The following RAPGEF6 variants were observed in gnomAD, a reference collection of about 807,000 sequenced individuals.
RAPGEF6 encodes PDZ domain containing guanine nucleotide exchange factor (GEF) 2.
A neutral mutation model predicts 171.4 loss-of-function variants in RAPGEF6; 56 were observed. The observed-to-expected ratio is 0.33, with a 90% CI of 0.26 to 0.41. The LOEUF (loss-of-function observed/expected upper bound fraction) is 0.41. Among genes scored for constraint, RAPGEF6 ranks in the 10% least tolerant of loss-of-function variants. The pLI is 1.00. For missense variants in RAPGEF6, 1,674 were observed against 1,921.4 expected (o/e 0.87, Z 2.41); for synonymous variants, 692 against 650.1 (o/e 1.06, Z -0.98).
chr5:131,551,092 A>T (rs939498545), intron 5 of RAPGEF6, among the ~76,000 whole-genome samples: 2 of 152,216 alleles, frequency 1.3e-5, no homozygotes, highest in Admixed American at 6.5e-5. Context: ...GGAATTATGT[A>T]TAAAGTCCTC....
rs887687427 is a variant in RAPGEF6, at chr5:131,425,221, G to C, written c.*2045C>G. 6.6e-6 allele frequency: 1 copy of C among 152,280 alleles called. No homozygotes were observed. The highest frequency in any genetic ancestry group is 2.4e-5 in the African/African-American group (1 of 41,436). 9.4% of individuals were successfully genotyped at this position (152,280 alleles called of 1,614,324 possible). ...TTTACACTATTAAGGACAAAGACAG[G>C]TAAGGCTTCCATTTGGTTTGAAAGA... On this transcript the variant is annotated 3_prime_UTR_variant, in exon 28 of 28. Transcript: ENST00000509018.
intron 1 of RAPGEF6, among the ~76,000 whole-genome samples, chr5:131,626,246 G>A (rs962730570): frequency 6.6e-6 from 1 of 151,742 alleles, no homozygotes; most frequent in Non-Finnish European, 1.5e-5. Flanking sequence ...ACAATTTTTC[G>A]TAAGCACTGC....
chr5:131,569,690 A>C (rs1762158313), intron 4 of RAPGEF6, among the ~76,000 whole-genome samples: 1 of 152,164 alleles, frequency 6.6e-6, no homozygotes. Flanking sequence ...TCAAAAATAA[A>C]CCTTAAAGTA....
Position 131,431,108 on chromosome 5 carries a change from T to C in RAPGEF6, c.4216A>G (p.Thr1406Ala), listed in dbSNP as rs769028790. ...LDDPIAEVEP[T>A]DSEPYSCSKS... ...GAACAGGAATAGGGCTCAGAGTCAGTGGGTTCAACTTCAGCAATGGGGTCA... is the reference window on the plus strand; with the variant it reads ...GAACAGGAATAGGGCTCAGAGTCAGCGGGTTCAACTTCAGCAATGGGGTCA... The change falls in exon 26 of 28, where the codon ACT becomes GCT. Residue 1406 changes from threonine (T) to alanine (A), a missense_variant. Physicochemically the swap from Thr to Ala is moderately conservative, Grantham distance 58. Transcript: ENST00000509018. The C allele has an allele frequency of 1.9e-6, 3 of 1,614,140 alleles. No individual in the cohort carries two copies. In the South Asian group the frequency reaches 3.3e-5, roughly 18 times the overall value.
chr5:131,521,937 C>T (rs1758524362), intron 6 of RAPGEF6, among the ~76,000 whole-genome samples: 1 of 150,454 alleles, frequency 6.6e-6, no homozygotes, highest in South Asian at 2.1e-4. Flanking sequence ...TCCCTCCCTC[C>T]TAATAAAAAA....
chr5:131,543,645 T>G lies in RAPGEF6; in HGVS notation c.495+4402A>C, dbSNP rs116423865. ...CCCGGTATTACAATATCGTCATTTT[T>G]AGAGGTGAAGCACCGAAGATTTAGA... On this transcript the variant is annotated intron_variant, in intron 6 of 27. Transcript: ENST00000509018. Among the ~76,000 whole-genome samples the G allele has an allele frequency of 4.4e-3, 663 of 152,300 alleles. 1 individual carries two copies. The highest frequency in any genetic ancestry group is 7.1e-3 in the Non-Finnish European group (485 of 68,016).
At chr5:131,509,992 G>A (rs1458066590) in intron 8 of RAPGEF6, among the ~76,000 whole-genome samples, 1 of 152,194 alleles carries the variant, frequency 6.6e-6, no homozygotes, top group African/African-American at 2.4e-5. Flanking sequence ...CAATTAAGCA[G>A]CCTATCAGAG....
chr5:131,537,181 A>C (rs1759830212), intron 6 of RAPGEF6, among the ~76,000 whole-genome samples: 1 of 152,210 alleles, frequency 6.6e-6, no homozygotes, highest in Non-Finnish European at 1.5e-5. Flanking sequence ...AACAATTATC[A>C]AAAGCTCCTT....
At chr5:131,443,234 C>A (rs145364399) in intron 22 of RAPGEF6, among the ~76,000 whole-genome samples, 2 of 152,098 alleles carry the variant, frequency 1.3e-5, no homozygotes, top group East Asian at 3.9e-4. Context: ...TGAGCCACTG[C>A]GCCTGGCCTA....
At chr5:131,529,373 G>A (rs975924675) in intron 6 of RAPGEF6, among the ~76,000 whole-genome samples, 1 of 152,012 alleles carries the variant, frequency 6.6e-6, no homozygotes, top group African/African-American at 2.4e-5. Context: ...CTACTCAGGA[G>A]GCTGAAACAG....
At chr5:131,620,001 A>G (rs1765508660) in intron 1 of RAPGEF6, among the ~76,000 whole-genome samples, 1 of 152,220 alleles carries the variant, frequency 6.6e-6, no homozygotes, top group Non-Finnish European at 1.5e-5. Context: ...TAAAGTTTTC[A>G]TAACAGCAAC....
intron 3 of RAPGEF6, 120 bp from the exon 4 acceptor site, chr5:131,592,586 C>T: frequency 1.4e-6 from 2 of 1,443,946 alleles, no homozygotes; most frequent in Middle Eastern, 2.5e-4. Context: ...GTAACACTAC[C>T]TGGAAATTTG....
At chr5:131,464,762 C>T (rs1754209266) in intron 17 of RAPGEF6, among the ~76,000 whole-genome samples, 2 of 152,152 alleles carry the variant, frequency 1.3e-5, no homozygotes, top group East Asian at 1.9e-4. Context: ...AATCTACTTC[C>T]TCCGTGAAAA....
intron 26 of RAPGEF6, among the ~76,000 whole-genome samples, chr5:131,429,739 G>A (rs1424551011): frequency 6.6e-6 from 1 of 152,058 alleles, no homozygotes; most frequent in Non-Finnish European, 1.5e-5. Flanking sequence ...TTGCTGGTAC[G>A]GAGGAACTAA....
chr5:131,576,277 G>A (rs748579933), intron 4 of RAPGEF6, among the ~76,000 whole-genome samples: 1 of 152,138 alleles, frequency 6.6e-6, no homozygotes, highest in Non-Finnish European at 1.5e-5. Context: ...CTATGCTGTA[G>A]TGTCTTCCAC....
chr5:131,506,053 G>T (rs1197851386), intron 9 of RAPGEF6, among the ~76,000 whole-genome samples: 1 of 152,130 alleles, frequency 6.6e-6, no homozygotes, highest in Non-Finnish European at 1.5e-5. Context: ...GAATTTTAAG[G>T]CATATCTAAC....
intron 5 of RAPGEF6, among the ~76,000 whole-genome samples, chr5:131,549,453 T>C (rs1226046121): frequency 1.3e-5 from 2 of 152,216 alleles, no homozygotes; most frequent in Non-Finnish European, 2.9e-5. Flanking sequence ...ATATATGTCA[T>C]GTATTTTTCT....
chr5:131,441,766 T>C (rs1385523545), intron 23 of RAPGEF6, among the ~76,000 whole-genome samples: 3 of 152,152 alleles, frequency 2.0e-5, no homozygotes, highest in South Asian at 2.1e-4. Flanking sequence ...CTACATATAA[T>C]GTACAGCCTA....
At chr5:131,547,948 A>G in intron 6 of RAPGEF6, 99 bp downstream of exon 6, 1 of 1,314,600 alleles carries the variant, frequency 7.6e-7, no homozygotes, top group Non-Finnish European at 1.1e-6. Flanking sequence ...TTTCACATAC[A>G]GAGCCCAGCA....
Sources: gnomAD v4.1 joint callset for allele counts (sites outside exome capture counted in the v4.1 genomes callset) on GRCh38, gnomAD v4.1.1 for gene constraint, MANE v1.5 for transcripts, NCBI Gene and HGNC (gene_info 2026-07-23, HGNC 2026-07-21) for gene names.